The following RANBP2 variants were observed in gnomAD, a reference collection of about 807,000 sequenced individuals.
RANBP2 encodes the protein RAN binding protein 2, also known as E3 SUMO-protein ligase RanBP2.
In RANBP2, 57 loss-of-function variants were observed where a neutral mutation model predicts 303.6. That is an observed-to-expected ratio of 0.19 (90% confidence interval 0.15 to 0.23). RANBP2 has a LOEUF of 0.23. RANBP2 is among the 10% of genes least tolerant of loss of function. RANBP2 has a pLI of 1.00. For synonymous variants in RANBP2, 1,167 were observed against 1,301.5 expected, an observed-to-expected ratio of 0.90 and a Z score of 2.23; for missense variants, 3,138 against 3,780.8, an observed-to-expected ratio of 0.83 and a Z score of 4.46.
At chr2:109,728,611 G>A in the RANBP2 span, among the ~76,000 whole-genome samples, 4 of 150,794 alleles carry the variant, frequency 2.7e-5, no homozygotes, top group African/African-American at 7.3e-5. Context: ...GCCCGCCACC[G>A]CACCTGGCTA....
At chr2:109,723,818 C>T in the RANBP2 span, among the ~76,000 whole-genome samples, 4 of 152,086 alleles carry the variant, frequency 2.6e-5, no homozygotes, top group South Asian at 2.1e-4. Context: ...TTGCTTTTGG[C>T]GTTTTCATTA....
chr2:109,465,695 T>C, the RANBP2 span, among the ~76,000 whole-genome samples: 1 of 152,154 alleles, frequency 6.6e-6, no homozygotes. Context: ...ATAGCAGCTT[T>C]TACTTCTGGG....
downstream of RANBP2, chr2:108,786,703 CTGCCGCCG>C: frequency 1.0e-6 from 1 of 964,510 alleles, no homozygotes; most frequent in Non-Finnish European, 1.6e-6. Flanking sequence ...CGCCCTTTCC[CTGCCGCCG>C]TGCGTGCCTC....
the RANBP2 span, among the ~76,000 whole-genome samples, chr2:109,499,053 G>T: frequency 6.6e-6 from 1 of 152,282 alleles, no homozygotes; most frequent in South Asian, 2.1e-4. Context: ...GGAGCCCTCT[G>T]AGCCTTTGCC....
At chr2:109,575,379 GAAAGGC>G in the RANBP2 span, among the ~76,000 whole-genome samples, 1 of 152,214 alleles carries the variant, frequency 6.6e-6, no homozygotes, top group African/African-American at 2.4e-5. Flanking sequence ...AAGTAAAGAA[GAAAGGC>G]ATACATCAGT....
chr2:108,918,408 G>A, the RANBP2 span, among the ~76,000 whole-genome samples: 1 of 152,218 alleles, frequency 6.6e-6, no homozygotes, highest in African/African-American at 2.4e-5. Flanking sequence ...TTAAGTGCAA[G>A]GTGCTCCAGG....
At chr2:109,533,779 T>C in the RANBP2 span, among the ~76,000 whole-genome samples, 5 of 152,318 alleles carry the variant, frequency 3.3e-5, no homozygotes, top group East Asian at 9.6e-4. Context: ...GAAAAGGTCC[T>C]GGGGGGTACT....
the RANBP2 span, among the ~76,000 whole-genome samples, chr2:109,180,245 G>A: frequency 6.6e-6 from 1 of 152,084 alleles, no homozygotes; most frequent in Non-Finnish European, 1.5e-5. Flanking sequence ...CAGGGCTTCG[G>A]CCTCCTTCCT....
intron 15 of RANBP2, among the ~76,000 whole-genome samples, chr2:108,754,394 G>A (rs934943794): frequency 1.1e-4 from 16 of 151,254 alleles, no homozygotes; most frequent in African/African-American, 3.9e-4. Flanking sequence ...GCTGTCAGCT[G>A]TTTGAGATTG....
At chr2:109,450,763 G>C in the RANBP2 span, among the ~76,000 whole-genome samples, 3 of 152,240 alleles carry the variant, frequency 2.0e-5, no homozygotes, top group African/African-American at 4.8e-5. Flanking sequence ...TCCCTAGGGC[G>C]TTGGGCTGGG....
chr2:109,794,819 C>A, the RANBP2 span: 1 of 216,246 alleles, frequency 4.6e-6, no homozygotes, highest in Non-Finnish European at 5.4e-6. Context: ...GGCTTGTTCC[C>A]GACGCTTGTT....
At chr2:109,714,415 C>A in the RANBP2 span, among the ~76,000 whole-genome samples, 3 of 151,940 alleles carry the variant, frequency 2.0e-5, no homozygotes, top group East Asian at 5.8e-4. Flanking sequence ...GATTCTCCTG[C>A]CTTAGCCTCC....
At chr2:109,614,637 G>C in the RANBP2 span, 1 of 1,463,886 alleles carries the variant, frequency 6.8e-7, no homozygotes, top group Non-Finnish European at 9.0e-7. Context: ...GGAGCAGCGC[G>C]CCCGCGCCCG....
At chr2:109,574,850 A>C in the RANBP2 span, 23 of 924,698 alleles carry the variant, frequency 2.5e-5, no homozygotes, top group Non-Finnish European at 3.4e-5. Context: ...TTTGAGGTCT[A>C]TATTTTCACT....
chr2:109,353,685 C>A, the RANBP2 span, among the ~76,000 whole-genome samples: 20 of 151,932 alleles, frequency 1.3e-4, no homozygotes, highest in South Asian at 1.0e-3. Context: ...CAACCCTAGA[C>A]TGCGTGCCCA....
At chr2:109,315,176 A>G in the RANBP2 span, among the ~76,000 whole-genome samples, 1 of 152,210 alleles carries the variant, frequency 6.6e-6, no homozygotes, top group Non-Finnish European at 1.5e-5. Flanking sequence ...GTCTTATTTG[A>G]TGACTTTTCT....
chr2:109,565,155 A>G, the RANBP2 span, among the ~76,000 whole-genome samples: 165 of 152,276 alleles, frequency 1.1e-3, 1 homozygote, highest in African/African-American at 3.8e-3. Context: ...CATTTTTTAT[A>G]AAATTAAAAA....
the RANBP2 span, among the ~76,000 whole-genome samples, chr2:109,365,154 A>T: frequency 2.4e-4 from 37 of 152,346 alleles, no homozygotes; most frequent in South Asian, 8.3e-4. Context: ...ATGCTCTGGC[A>T]TGTTTCACAG....
the RANBP2 span, among the ~76,000 whole-genome samples, chr2:108,979,706 G>A: frequency 1.3e-5 from 2 of 152,092 alleles, no homozygotes; most frequent in African/African-American, 4.8e-5. Context: ...CAGAGGAGAG[G>A]AGGGCTTGAG....
Sources: gnomAD v4.1 joint callset for allele counts (sites outside exome capture counted in the v4.1 genomes callset) on GRCh38, gnomAD v4.1.1 for gene constraint, MANE v1.5 for transcripts, NCBI Gene and HGNC (gene_info 2026-07-23, HGNC 2026-07-21) for gene names.